TNK2: variants seen among roughly 807,000 people sequenced by gnomAD.
TNK2 encodes the protein tyrosine kinase non receptor 2, also known as activated CDC42 kinase 1.
Under a neutral mutation model 101.8 loss-of-function variants are expected in TNK2, and 83 were observed. The observed-to-expected ratio is 0.82, with a 90% CI of 0.68 to 0.98. TNK2 has a LOEUF of 0.98. Ranked by LOEUF, TNK2 falls within the 50% of genes least tolerant of loss-of-function variation. The probability of loss-of-function intolerance (pLI) is 0.00; values close to 1 mark genes in which losing one functional copy is unlikely to be tolerated. For synonymous variants in TNK2, 804 were observed against 633.0 expected, an observed-to-expected ratio of 1.27 and a Z score of -4.06; for missense variants, 1,665 against 1,483.2, an observed-to-expected ratio of 1.12 and a Z score of -2.01.
Position 195,868,648 on chromosome 3 carries a change from C to T in TNK2, c.1650G>A (p.Leu550=). Residue 550 remains leucine, a synonymous_variant, in exon 13 of 16, where the codon CTG becomes CTA. Coordinates refer to ENST00000672887, the MANE Select transcript of TNK2 (RefSeq NM_001382273.1). ...QDPLSSDFKR[L]GLRKPGLPRG... is the part of the protein sequence containing the mutation. ...GGGGCAGGCCTGGCTTCCGCAGGCC[C>T]AGCCTCTTGAAGTCGCTGGACAAGG... 12 of 1,594,382 alleles carry T rather than the reference C, an allele frequency of 7.5e-6. No homozygotes were observed. Among genetic ancestry groups the T allele is most frequent in the Middle Eastern group, 1.7e-4 (1 of 6,012 alleles).
intron 1 of TNK2, among the ~76,000 whole-genome samples, chr3:195,898,230 G>A (rs150954634): frequency 3.3e-5 from 5 of 152,154 alleles, no homozygotes; most frequent in African/African-American, 7.2e-5. Flanking sequence ...CACACCGGTC[G>A]GGCTGCTTCA....
In TNK2 at chr3:195,888,359, A is replaced by G; in HGVS notation, c.163+67T>C. 1.3e-6 allele frequency: 2 copies of G among 1,533,674 alleles called. No homozygotes were observed. Among genetic ancestry groups the G allele is most frequent in the South Asian group, 2.4e-5 (2 of 83,428 alleles). ...GTTCTCAGCTGCCACCCGTGCACCG[A>G]GTGGTCCTGAGGACAGAGGACGGAA... On this transcript the variant is annotated intron_variant, in intron 2 of 15. Transcript: ENST00000672887. This position sits in a 1 kb window ranked among gnomAD's most constrained non-coding sequence, Gnocchi z 5.3.
chr3:195,892,783 A>T, intron 1 of TNK2: 1 of 1,200,416 alleles, frequency 8.3e-7, no homozygotes, highest in South Asian at 3.1e-5. Flanking sequence ...TCCCCACCCA[A>T]CTGCCCGCCC....
At chr3:195,875,453 G>A (rs1371312026) in intron 9 of TNK2, among the ~76,000 whole-genome samples, 1 of 78,086 alleles carries the variant, frequency 1.3e-5, no homozygotes, top group South Asian at 4.4e-4. Context: ...ACGCACGCTC[G>A]GAGGCACAGG....
At position 195,867,388 on chromosome 3, in the gene TNK2, C is replaced by A; in HGVS notation, c.2910G>T (p.Ala970=). 1 of 1,605,866 alleles carries A rather than the reference C, an allele frequency of 6.2e-7. No homozygotes were observed. The highest frequency in any genetic ancestry group is 8.5e-7 in the Non-Finnish European group (1 of 1,178,116). Reference sequence around the variant, plus strand: ...TCTGGATCTTGTCTGCTGGCCGGCCCGCCTCTGGCCCATCGCCAGGGCAGC... The same window carrying A: ...TCTGGATCTTGTCTGCTGGCCGGCCAGCCTCTGGCCCATCGCCAGGGCAGC... ...QRGCPGDGPE[A]GRPADKIQML... is the part of the protein sequence containing the mutation. The change falls in exon 13 of 16, where the codon GCG becomes GCT. Residue 970 remains alanine (A), a synonymous_variant. Coordinates refer to ENST00000672887, the MANE Select transcript of TNK2 (RefSeq NM_001382273.1).
Position 195,867,545 on chromosome 3 carries a change from G to A in TNK2, c.2753C>T (p.Ala918Val). The stretch of plus-strand genomic sequence containing the variant: ...CGGCCGCACGGTGGCCGTGGGGGCG[G>A]CGGGGGCTGGGGTGCTGGGTGGGGG... ...LLPPPSTPAP[A>V]APTATVRPMP... The change falls in exon 13 of 16, where the codon GCC becomes GTC. Residue 918 changes from alanine (A) to valine (V), a missense_variant. Ala to Val is a moderately conservative substitution (Grantham distance 64). Around this residue, in one of 3 missense-constraint regions of TNK2, gnomAD observed 1,136 missense variants for 894.9 expected, o/e 1.27. Coordinates refer to ENST00000672887, the MANE Select transcript of TNK2 (RefSeq NM_001382273.1). The A allele has an allele frequency of 1.3e-6, 2 of 1,537,484 alleles. No homozygotes were observed. Among genetic ancestry groups the A allele is most frequent in the South Asian group, 1.2e-5 (1 of 83,124 alleles).
chr3:195,891,656 AC>A (rs139172714), intron 1 of TNK2, among the ~76,000 whole-genome samples: 93 of 147,374 alleles, frequency 6.3e-4, no homozygotes, highest in Admixed American at 2.6e-3. Flanking sequence ...GAGCAAAGTG[AC>A]CCCCCCCCTC....
At chr3:195,902,630 C>CA (rs371118941) in intron 1 of TNK2, among the ~76,000 whole-genome samples, 92 of 89,830 alleles carry the variant, frequency 1.0e-3, no homozygotes, top group Middle Eastern at 6.0e-3. Flanking sequence ...AAAAAAAAAA[C>CA]AAAAAAAAAC....
chr3:195,877,512 G>A (rs778094164), intron 9 of TNK2, among the ~76,000 whole-genome samples: 4 of 152,196 alleles, frequency 2.6e-5, no homozygotes, highest in Non-Finnish European at 5.9e-5. Flanking sequence ...GCGAGCACAG[G>A]GGATTTCCTC....
rs1185024346 is a variant in TNK2 at position 195,878,732 on chromosome 3, G to A, written c.1015-140C>T. The A allele has an allele frequency of 2.3e-6, 3 of 1,319,420 alleles. No individual in the cohort carries two copies. The highest frequency in any genetic ancestry group is 2.9e-5 in the African/African-American group (2 of 68,140). 81.7% of individuals were successfully genotyped at this position (1,319,420 alleles called of 1,614,324 possible). A position where few individuals can be genotyped will look rare whatever the true frequency, so the allele number is the denominator to read the frequency against. On this transcript the variant is annotated intron_variant, in intron 7 of 15. Coordinates refer to ENST00000672887, the MANE Select transcript of TNK2 (RefSeq NM_001382273.1). The surrounding 1 kb of genome is among the most constrained non-coding windows in gnomAD (Gnocchi z 4.7). ...AAGAAGGGATCTGCCTGCCTGGGAG[G>A]GGCCCTCTCCAGAGCCCCAGTCCCT...
chr3:195,873,370 C>CG (rs2149352332), intron 9 of TNK2, among the ~76,000 whole-genome samples: 1 of 152,340 alleles, frequency 6.6e-6, no homozygotes, highest in African/African-American at 2.4e-5. Context: ...GAGGCTCCCG[C>CG]GTCTGCTGCT....
chr3:195,888,700 G>A lies in TNK2; in HGVS notation c.-18-94C>T, dbSNP rs949782728. 7 of 1,254,408 alleles carry A rather than the reference G, an allele frequency of 5.6e-6. No individual in the cohort carries two copies. In the African/African-American group the frequency reaches 9.1e-5, roughly 16 times the overall value. The allele number at this position is 1,254,408 out of a possible 1,614,324, so 77.7% of individuals were successfully genotyped here. A position where few individuals can be genotyped will look rare whatever the true frequency, so the allele number is the denominator to read the frequency against. ...GGGCTCACCTTCATCCCACTACACG[G>A]CCACCCGGAAGGGCTCACACCACCT... On this transcript the variant is annotated intron_variant, in intron 1 of 15. Transcript: ENST00000672887. The surrounding 1 kb of genome is among the most constrained non-coding windows in gnomAD (Gnocchi z 5.3).
At chr3:195,868,792 G>A in intron 12 of TNK2, 83 bp from the exon 13 acceptor site, 5 of 1,424,602 alleles carry the variant, frequency 3.5e-6, no homozygotes, top group Non-Finnish European at 4.6e-6. Flanking sequence ...GGGAGAGAAA[G>A]CCAAGTGTCC....
chr3:195,867,708 G>T lies in TNK2; in HGVS notation c.2590C>A (p.Arg864=). 1 of 1,608,064 alleles carries T rather than the reference G, an allele frequency of 6.2e-7. No homozygotes were observed. Among genetic ancestry groups the T allele is most frequent in the Non-Finnish European group, 8.5e-7 (1 of 1,178,248 alleles). ...GTGCTGCTGACCTTCTTGCCATCCC[G>T]GACGATGGGCAGGATGCAGGGACCA... The part of the protein sequence containing the change: ...RAGPCILPIV[R]DGKKVSSTHY... The change falls in exon 13 of 16, where the codon CGG becomes AGG. Residue 864 remains arginine (R), a synonymous_variant. Transcript: ENST00000672887.
Position 195,882,582 on chromosome 3 carries a change from A to T in TNK2, c.610-254T>A, listed in dbSNP as rs1285288631. On this transcript the variant is annotated intron_variant, in intron 5 of 15. Coordinates refer to ENST00000672887, the MANE Select transcript of TNK2 (RefSeq NM_001382273.1). This position sits in a 1 kb window ranked among gnomAD's most constrained non-coding sequence, Gnocchi z 4.2. Reference sequence around the variant, plus strand: ...GCTAGAAATTCCAAAACTCAGCTGGACGTGGTGGCTCACGCCTGTAATCCC... The same window carrying T: ...GCTAGAAATTCCAAAACTCAGCTGGTCGTGGTGGCTCACGCCTGTAATCCC... 4 of 1,466,770 alleles carry T rather than the reference A, an allele frequency of 2.7e-6. No homozygotes were observed. Among genetic ancestry groups the T allele is most frequent in the Non-Finnish European group, 2.7e-6 (3 of 1,096,600 alleles). The allele number at this position is 1,466,770 out of a possible 1,614,324, so 90.9% of individuals were successfully genotyped here.
At chr3:195,883,351 T>C in intron 4 of TNK2, 42 bp from the exon 5 acceptor site, 2 of 1,606,400 alleles carry the variant, frequency 1.2e-6, no homozygotes, top group South Asian at 2.2e-5. Flanking sequence ...ACTTGCCAGG[T>C]CCCAGACACG....
Position 195,882,303 on chromosome 3 carries a change from G to A in TNK2, c.635C>T (p.Ser212Leu), listed in dbSNP as rs757310380. The A allele has an allele frequency of 1.2e-6, 2 of 1,612,334 alleles. No individual in the cohort carries two copies. Among genetic ancestry groups the A allele is most frequent in the South Asian group, 1.1e-5 (1 of 91,064 alleles). Residue 212 changes from serine (S) to leucine (L), a missense_variant, in exon 6 of 16, where the codon TCG (serine) becomes TTG (leucine). Around this residue, in one of 3 missense-constraint regions of TNK2, gnomAD observed 490 missense variants for 522.5 expected, o/e 0.94. Transcript: ENST00000672887. The surrounding 1 kb of genome is among the most constrained non-coding windows in gnomAD (Gnocchi z 4.2). ...GTGCTTACGTAGCCGGTCCAACAAC[G>A]ATCCCAGAGGTGCCAGCTCTGTCAC... The part of the protein sequence containing the change: ...KMVTELAPLG[S>L]LLDRLRKHQG...
chr3:195,882,869 A>G lies in TNK2; in HGVS notation c.609+288T>C, dbSNP rs1247926451. 2.6e-5 allele frequency among the ~76,000 whole-genome samples: 4 copies of G among 152,138 alleles called. No individual in the cohort carries two copies. The highest frequency in any genetic ancestry group is 5.9e-5 in the Non-Finnish European group (4 of 68,018). On this transcript the variant is annotated intron_variant, in intron 5 of 15. Transcript: ENST00000672887. This position sits in a 1 kb window ranked among gnomAD's most constrained non-coding sequence, Gnocchi z 4.2. ...TGAGACTCCATCTCAAAATAAATAG[A>G]TAAATAAAACATAAATTCCCCAAAT... is the stretch of plus-strand genomic sequence containing the variant.
intron 1 of TNK2, among the ~76,000 whole-genome samples, chr3:195,899,077 C>T (rs572765195): frequency 2.6e-5 from 4 of 152,268 alleles, no homozygotes; most frequent in African/African-American, 9.6e-5. Context: ...GCCTGGGCGA[C>T]AGAGAGACTC....
Sources: allele counts gnomAD v4.1 joint callset (sites outside exome capture counted in the v4.1 genomes callset), GRCh38; gene constraint gnomAD v4.1.1; regional missense constraint gnomAD v4.1.1; non-coding constraint Gnocchi (gnomAD v3.1); transcripts MANE v1.5; gene names NCBI Gene and HGNC (gene_info 2026-07-23, HGNC 2026-07-21).